Variants in ARL13B observed in about 807,000 individuals in gnomAD.
ARL13B encodes ADP-ribosylation factor-like protein 13B.
In ARL13B, 36 loss-of-function variants were observed where a neutral mutation model predicts 56.1. That is an observed-to-expected ratio of 0.64 (90% CI 0.49 to 0.85). The LOEUF (loss-of-function observed/expected upper bound fraction) is 0.85. ARL13B is among the 40% of genes least tolerant of loss of function. The pLI is 0.00. For synonymous variants in ARL13B, 178 were observed against 171.1 expected, an observed-to-expected ratio of 1.04 and a Z score of -0.32; for missense variants, 519 against 507.1, an observed-to-expected ratio of 1.02 and a Z score of -0.23.
At chr3:94,012,576 C>A (rs932490906) in intron 3 of ARL13B, among the ~76,000 whole-genome samples, 1 of 152,136 alleles carries the variant, frequency 6.6e-6, no homozygotes, top group African/African-American at 2.4e-5. Flanking sequence ...GTTTCTGTGA[C>A]CTGGAACAGG....
At chr3:94,026,942 C>T (rs943466063) in intron 3 of ARL13B, among the ~76,000 whole-genome samples, 1 of 151,936 alleles carries the variant, frequency 6.6e-6, no homozygotes, top group Non-Finnish European at 1.5e-5. Flanking sequence ...TAAACTGGTG[C>T]GACTCAAATA....
chr3:94,040,703 T>G (rs1473417342), intron 6 of ARL13B, among the ~76,000 whole-genome samples: 5 of 150,724 alleles, frequency 3.3e-5, no homozygotes, highest in African/African-American at 4.9e-5. Context: ...TTTTTTTTTG[T>G]CTCCATTCTA....
At chr3:94,006,701 A>G (rs538945920) in intron 3 of ARL13B, among the ~76,000 whole-genome samples, 52 of 152,354 alleles carry the variant, frequency 3.4e-4, no homozygotes, top group African/African-American at 1.0e-3. Context: ...TGTAAAGAAT[A>G]TGAGACTTTT....
chr3:94,036,828 G>A, intron 5 of ARL13B, 74 bp downstream of exon 5: 1 of 1,461,562 alleles, frequency 6.8e-7, no homozygotes, highest in South Asian at 1.2e-5. Context: ...TCAGTTGTTA[G>A]TTTTATCTGT....
At chr3:94,043,422 T>C (rs2076899266) in intron 7 of ARL13B, among the ~76,000 whole-genome samples, 182 bp downstream of exon 7, 1 of 151,378 alleles carries the variant, frequency 6.6e-6, no homozygotes, top group Non-Finnish European at 1.5e-5. Context: ...TAACCTGTTT[T>C]TCCATGACTT....
At chr3:94,044,025 G>A (rs112577179) in intron 7 of ARL13B, among the ~76,000 whole-genome samples, 6,264 of 152,024 alleles carry the variant, frequency 0.041, 203 homozygotes, top group African/African-American at 0.087. Context: ...CCTCCCAGCC[G>A]CCTGCCTTGG....
intron 3 of ARL13B, among the ~76,000 whole-genome samples, chr3:94,007,822 A>T (rs2076159623): frequency 6.6e-6 from 1 of 152,200 alleles, no homozygotes; most frequent in African/African-American, 2.4e-5. Context: ...CAGAATCAGA[A>T]TATCACTAGG....
chr3:94,013,791 A>G (rs960539759), intron 3 of ARL13B, among the ~76,000 whole-genome samples: 9 of 152,178 alleles, frequency 5.9e-5, no homozygotes, highest in African/African-American at 2.2e-4. Flanking sequence ...TACTAAAAAT[A>G]CAAAAATTAA....
chr3:94,047,471 C>G (rs1166494428), intron 7 of ARL13B, among the ~76,000 whole-genome samples: 1 of 152,110 alleles, frequency 6.6e-6, no homozygotes, highest in Non-Finnish European at 1.5e-5. Flanking sequence ...ACAGGGAGAT[C>G]TCAGGTAGTA....
At position 93,995,951 on chromosome 3, in the gene ARL13B, T is replaced by G. The variant is rs200527262; in HGVS notation, c.130+7T>G. On this transcript the variant is annotated splice_region_variant and intron_variant, in intron 2 of 9. Transcript: ENST00000394222. ...GCAAAGGGAATCCAAGGAGGTAAGC[T>G]GAAAACATTTATGTGCTTTCTGAAC... 3 of 1,611,780 alleles carry G rather than the reference T, an allele frequency of 1.9e-6. No individual in the cohort carries two copies. In the Admixed American group the frequency reaches 5.0e-5, roughly 27 times the overall value.
intron 3 of ARL13B, among the ~76,000 whole-genome samples, chr3:94,030,020 AC>A (rs1398850594): frequency 3.3e-5 from 5 of 152,192 alleles, no homozygotes; most frequent in Non-Finnish European, 5.9e-5. Context: ...TTGAATATTC[AC>A]AGTGCCCAAA....
intron 1 of ARL13B, among the ~76,000 whole-genome samples, chr3:93,984,925 G>A (rs770595364): frequency 2.0e-5 from 3 of 152,116 alleles, no homozygotes; most frequent in Admixed American, 6.6e-5. Context: ...CAGGAGGATC[G>A]CTTGAGCCCA....
intron 2 of ARL13B, among the ~76,000 whole-genome samples, chr3:94,000,303 C>T (rs1006029340): frequency 6.6e-6 from 1 of 152,138 alleles, no homozygotes; most frequent in African/African-American, 2.4e-5. Context: ...TTTAACAACA[C>T]ATCACTGGCT....
intron 9 of ARL13B, 68 bp downstream of exon 9, chr3:94,050,960 A>G (rs2077057359): frequency 6.9e-7 from 1 of 1,443,024 alleles, no homozygotes. Context: ...TTAGCCTTAT[A>G]ATTTCAACAA....
At chr3:94,001,469 A>G (rs2076054650) in intron 2 of ARL13B, among the ~76,000 whole-genome samples, 1 of 152,194 alleles carries the variant, frequency 6.6e-6, no homozygotes, top group South Asian at 2.1e-4. Flanking sequence ...TTCACTCACA[A>G]TGAAGTCTTC....
chr3:93,985,238 G>A (rs1404013334), intron 1 of ARL13B, among the ~76,000 whole-genome samples: 2 of 152,104 alleles, frequency 1.3e-5, no homozygotes, highest in African/African-American at 4.8e-5. Flanking sequence ...CAGGACACAA[G>A]GTCTGTGAAG....
intron 1 of ARL13B, among the ~76,000 whole-genome samples, chr3:93,983,855 A>G (rs553375059): frequency 1.8e-4 from 27 of 152,282 alleles, no homozygotes; most frequent in African/African-American, 6.5e-4. Context: ...CACTTGAACA[A>G]CGCAGGGTTT....
In ARL13B at chr3:94,035,411, A is replaced by G. The variant is rs758972393; in HGVS notation, c.461A>G (p.Asn154Ser). The G allele has an allele frequency of 6.2e-6, 10 of 1,604,522 alleles. No homozygotes were observed. The Admixed American group carries it at 6.8e-5, about 11-fold the overall frequency. ...IECLSLEKLV[N>S]EHKCLCQIEP... ...TGTCTATCTCTGGAAAAATTGGTCAATGAGCACAAGTGCCTGTGTCAGATA... is the reference window on the plus strand; with the variant it reads ...TGTCTATCTCTGGAAAAATTGGTCAGTGAGCACAAGTGCCTGTGTCAGATA... The change falls in exon 4 of 10, where the codon AAT (asparagine) becomes AGT (serine). Residue 154 changes from asparagine to serine, a missense_variant. Asn to Ser is a conservative substitution (Grantham distance 46). Transcript: ENST00000394222.
At chr3:94,040,031 A>G (rs748179070) in intron 6 of ARL13B, 43 bp downstream of exon 6, 13 of 1,562,548 alleles carry the variant, frequency 8.3e-6, no homozygotes, top group African/African-American at 2.7e-5. Context: ...TTAAGTTATA[A>G]GTTGGAACTT....
Sources: allele counts gnomAD v4.1 joint callset (sites outside exome capture counted in the v4.1 genomes callset), GRCh38; gene constraint gnomAD v4.1.1; transcripts MANE v1.5; gene names NCBI Gene and HGNC (gene_info 2026-07-23, HGNC 2026-07-21).